Variants in ERC2 observed in about 807,000 individuals in gnomAD.
ERC2 encodes ELKS/RAB6-interacting/CAST family member 2, also known as ERC protein 2.
Under a neutral mutation model 114.8 loss-of-function variants are expected in ERC2, and 42 were observed. The observed-to-expected ratio is 0.37, with a 90% confidence interval of 0.29 to 0.47. The LOEUF is 0.47. Ranked by LOEUF, ERC2 falls within the 20% of genes least tolerant of loss-of-function variation. ERC2 has a pLI of 0.99. For synonymous variants in ERC2, 454 were observed against 425.5 expected (o/e 1.07, Z -0.82); for missense variants, 939 against 1,150.7 (o/e 0.82, Z 2.66).
chr3:55,602,705 CCACAACCTAA>C (rs1036091194), intron 17 of ERC2, among the ~76,000 whole-genome samples: 49 of 152,188 alleles, frequency 3.2e-4, no homozygotes, highest in African/African-American at 1.1e-3. Context: ...TCCCATGCTA[CCACAACCTAA>C]CACAACCTAA....
At chr3:56,388,582 C>A (rs2060018037) in intron 2 of ERC2, among the ~76,000 whole-genome samples, 1 of 152,148 alleles carries the variant, frequency 6.6e-6, no homozygotes, top group Non-Finnish European at 1.5e-5. Flanking sequence ...CCAAGAGAGT[C>A]CACAGACCTT....
intron 7 of ERC2, among the ~76,000 whole-genome samples, chr3:56,068,844 G>T (rs113171141): frequency 1.5e-4 from 23 of 152,326 alleles, no homozygotes; most frequent in African/African-American, 4.8e-4. Context: ...CCATGTAGTT[G>T]TGTGGTTTTG....
chr3:55,568,186 T>C (rs980943778), intron 17 of ERC2, among the ~76,000 whole-genome samples: 3 of 152,202 alleles, frequency 2.0e-5, no homozygotes, highest in Non-Finnish European at 4.4e-5. Context: ...AGAAATCTCA[T>C]GTTCTCTCAG....
chr3:56,008,125 GT>G (rs34947176), intron 9 of ERC2, among the ~76,000 whole-genome samples: 1 of 152,072 alleles, frequency 6.6e-6, no homozygotes, highest in African/African-American at 2.4e-5. Flanking sequence ...AGATGTACAG[GT>G]TTTACCCCAA....
chr3:55,751,838 T>G (rs1374258999), intron 14 of ERC2, among the ~76,000 whole-genome samples: 1 of 152,194 alleles, frequency 6.6e-6, no homozygotes, highest in Non-Finnish European at 1.5e-5. Context: ...AATGGAGGAA[T>G]GATGTGACTA....
At chr3:55,689,810 G>GA (rs940339665) in intron 16 of ERC2, among the ~76,000 whole-genome samples, 21 of 142,172 alleles carry the variant, frequency 1.5e-4, no homozygotes, top group East Asian at 4.1e-4. Flanking sequence ...AAAAAAAAAA[G>GA]AAAAAAAAAA....
intron 2 of ERC2, among the ~76,000 whole-genome samples, chr3:56,344,139 G>A (rs2058212478): frequency 6.6e-6 from 1 of 152,120 alleles, no homozygotes; most frequent in African/African-American, 2.4e-5. Flanking sequence ...AAAATAAATA[G>A]GATTTCATTT....
At chr3:55,802,780 G>C (rs1466363594) in intron 14 of ERC2, among the ~76,000 whole-genome samples, 1 of 151,942 alleles carries the variant, frequency 6.6e-6, no homozygotes, top group Non-Finnish European at 1.5e-5. Context: ...TTTTCTGAAG[G>C]ATTAACAGAA....
intron 17 of ERC2, among the ~76,000 whole-genome samples, chr3:55,571,247 G>A (rs1163980736): frequency 2.0e-5 from 3 of 151,714 alleles, no homozygotes; most frequent in Non-Finnish European, 4.4e-5. Context: ...CAGCCTAGCT[G>A]TAGCAAGTGT....
At chr3:55,952,354 G>C (rs1004431471) in intron 12 of ERC2, among the ~76,000 whole-genome samples, 2 of 151,680 alleles carry the variant, frequency 1.3e-5, no homozygotes, top group Non-Finnish European at 2.9e-5. Flanking sequence ...ATTAATTTTT[G>C]TCCAATATTT....
intron 17 of ERC2, among the ~76,000 whole-genome samples, chr3:55,601,688 C>A (rs554792671): frequency 6.6e-6 from 1 of 152,230 alleles, no homozygotes; most frequent in Non-Finnish European, 1.5e-5. Flanking sequence ...GCCGGGGAGC[C>A]GGGTGCGGTG....
At chr3:56,409,661 A>G (rs1274960813) in intron 2 of ERC2, among the ~76,000 whole-genome samples, 1 of 152,160 alleles carries the variant, frequency 6.6e-6, no homozygotes, top group East Asian at 1.9e-4. Context: ...AGAAAAAATC[A>G]TAGCTAGGAT....
chr3:56,324,634 T>A (rs1015297839), intron 2 of ERC2, among the ~76,000 whole-genome samples: 2 of 152,156 alleles, frequency 1.3e-5, no homozygotes, highest in African/African-American at 4.8e-5. Context: ...AAAACGGGCA[T>A]CTGTCTGCTG....
intron 14 of ERC2, among the ~76,000 whole-genome samples, chr3:55,765,559 AT>A (rs776674564): frequency 2.6e-4 from 39 of 152,328 alleles, no homozygotes; most frequent in Non-Finnish European, 4.3e-4. Context: ...CAAAATGAAC[AT>A]TTTTAGACAA....
intron 17 of ERC2, among the ~76,000 whole-genome samples, chr3:55,551,262 C>T (rs1190758786): frequency 6.6e-6 from 1 of 152,032 alleles, no homozygotes; most frequent in South Asian, 2.1e-4. Flanking sequence ...GTGGCTCATG[C>T]CTGTAATCCC....
At chr3:55,970,834 C>T (rs149169764) in intron 12 of ERC2, among the ~76,000 whole-genome samples, 1 of 152,250 alleles carries the variant, frequency 6.6e-6, no homozygotes, top group Admixed American at 6.5e-5. Context: ...ATTCCACTTG[C>T]AGATATACAG....
intron 1 of ERC2, among the ~76,000 whole-genome samples, chr3:56,460,559 G>A (rs1236127652): frequency 1.3e-5 from 2 of 152,136 alleles, no homozygotes; most frequent in East Asian, 3.8e-4. Context: ...GCAATATAAA[G>A]CACCTAGCAC....
rs1209879857 is a variant in ERC2, at chr3:56,200,275, C to G, written c.1075-26755G>C. ...TTCTCTGTCCTCATTTTTCACTCAC[C>G]TCCATCACACAGAATCCAGGACTAT... On this transcript the variant is annotated intron_variant, in intron 3 of 17. Coordinates refer to ENST00000288221, the MANE Select transcript of ERC2 (RefSeq NM_015576.3). 5.3e-5 allele frequency among the ~76,000 whole-genome samples: 8 copies of G among 151,706 alleles called. No homozygotes were observed. In the East Asian group the frequency reaches 1.4e-3, roughly 26 times the overall value.
intron 6 of ERC2, among the ~76,000 whole-genome samples, chr3:56,095,580 G>A (rs762863590): frequency 4.6e-5 from 7 of 152,164 alleles, no homozygotes; most frequent in Non-Finnish European, 1.0e-4. Flanking sequence ...TTTATTAAAT[G>A]CCTCCTTCAT....
Sources: gnomAD v4.1 joint callset for allele counts (sites outside exome capture counted in the v4.1 genomes callset) on GRCh38, gnomAD v4.1.1 for gene constraint, MANE v1.5 for transcripts, NCBI Gene and HGNC (gene_info 2026-07-23, HGNC 2026-07-21) for gene names.